The following MSR1 variants were observed in gnomAD, a reference collection of about 807,000 sequenced individuals.
The protein encoded by MSR1 is macrophage scavenger receptor types I and II.
MSR1 carries 53 observed loss-of-function variants against 47.2 expected under a neutral mutation model. The ratio of observed to expected loss-of-function variants is 1.12; its 90% confidence interval spans 0.90 to 1.41. MSR1 has a LOEUF of 1.41. MSR1 is among the 40% of genes most tolerant of loss of function. The probability of loss-of-function intolerance (pLI) is 0.00; values close to 1 mark genes in which losing one functional copy is unlikely to be tolerated. For missense variants in MSR1, 786 were observed against 546.9 expected (o/e 1.44, Z -4.36); for synonymous variants, 239 against 185.6 (o/e 1.29, Z -2.34).
intron 4 of MSR1, among the ~76,000 whole-genome samples, chr8:16,165,261 G>C (rs1362103425): frequency 6.6e-6 from 1 of 151,964 alleles, no homozygotes; most frequent in African/African-American, 2.4e-5. Flanking sequence ...GCGTATCAGC[G>C]TCCACTTTTT....
chr8:16,171,418 T>C (rs1282786124), intron 3 of MSR1, among the ~76,000 whole-genome samples: 1 of 152,160 alleles, frequency 6.6e-6, no homozygotes, highest in Non-Finnish European at 1.5e-5. Flanking sequence ...AATATTTTGA[T>C]GTGATCTACA....
chr8:16,111,533 A>G (rs1380356053), intron 9 of MSR1, among the ~76,000 whole-genome samples: 4 of 152,162 alleles, frequency 2.6e-5, no homozygotes, highest in African/African-American at 7.2e-5. Flanking sequence ...AATTCTCCCA[A>G]TGTCTACAGC....
intron 8 of MSR1, among the ~76,000 whole-genome samples, chr8:16,126,870 T>C (rs1800141467): frequency 6.6e-6 from 1 of 152,154 alleles, no homozygotes; most frequent in African/African-American, 2.4e-5. Context: ...GGTATAATTT[T>C]GCACAGTTTA....
At chr8:16,160,962 G>T (rs892435312) in intron 5 of MSR1, among the ~76,000 whole-genome samples, 1 of 150,100 alleles carries the variant, frequency 6.7e-6, no homozygotes, top group Non-Finnish European at 1.5e-5. Flanking sequence ...GCAAGAGAGA[G>T]AAAAGACACA....
Position 16,139,759 on chromosome 8 carries a change from AAAAAAAAAAAAAAAAATATATATATAT to A in MSR1, c.1033+3772_1033+3798del, listed in dbSNP as rs1800484956. 3 of 158,630 alleles carry A rather than the reference AAAAAAAAAAAAAAAAATATATATATAT, an allele frequency of 1.9e-5. No individual in the cohort carries two copies. In the African/African-American group the frequency reaches 2.4e-4, roughly 13 times the overall value. The allele number at this position is 158,630 out of a possible 1,614,324, so 9.8% of individuals were successfully genotyped here. A position where few individuals can be genotyped will look rare whatever the true frequency, so the allele number is the denominator to read the frequency against. On this transcript the variant is annotated intron_variant, in intron 8 of 9. Transcript: ENST00000262101. Reference sequence around the variant, plus strand: ...ACACTTCAAAACTTAAAAAAAAAAAAAAAAAAAAAAAAAAAATATATATATATATATATATATATATATATATATATA... The same window carrying A: ...ACACTTCAAAACTTAAAAAAAAAAAAATATATATATATATATATATATATA...
At position 16,110,215 on chromosome 8, in the gene MSR1, G is replaced by C. The variant is rs1478800404; in HGVS notation, c.1226C>G (p.Thr409Ser). The C allele has an allele frequency of 6.2e-7, 1 of 1,613,372 alleles. No homozygotes were observed. Among genetic ancestry groups the C allele is most frequent in the African/African-American group, 1.3e-5 (1 of 75,012 alleles). Residue 409 changes from threonine to serine, a missense_variant, in exon 10 of 10, where the codon ACT becomes AGT. By Grantham distance (58) the Thr-to-Ser change is moderately conservative (BLOSUM62 1). Coordinates refer to ENST00000262101, the MANE Select transcript of MSR1 (RefSeq NM_138715.3). The stretch of plus-strand genomic sequence containing the variant: ...CACTTCATTCAGCCATATTGGACCA[G>C]TACCTGCAATAATGAGGTATAACTG... ...VHKAAHFGQG[T>S]GPIWLNEVFC...
intron 1 of MSR1, among the ~76,000 whole-genome samples, chr8:16,184,955 T>C (rs955992802): frequency 1.3e-5 from 2 of 149,204 alleles, no homozygotes; most frequent in Admixed American, 6.9e-5. Context: ...CTGACACTAT[T>C]TAGTCTATAA....
intron 1 of MSR1, among the ~76,000 whole-genome samples, chr8:16,181,592 TG>T (rs1801833556): frequency 6.6e-6 from 1 of 151,754 alleles, no homozygotes; most frequent in South Asian, 2.1e-4. Context: ...AAGTGGGAGC[TG>T]AACAATGAGA....
chr8:16,146,049 T>C (rs57338497), intron 7 of MSR1, among the ~76,000 whole-genome samples: 92 of 152,274 alleles, frequency 6.0e-4, no homozygotes, highest in African/African-American at 2.2e-3. Context: ...AACATCATCA[T>C]GATTTCAAGC....
chr8:16,179,557 T>C (rs1291573529), intron 1 of MSR1, among the ~76,000 whole-genome samples: 1 of 152,186 alleles, frequency 6.6e-6, no homozygotes, highest in East Asian at 1.9e-4. Context: ...ATATTTGGAC[T>C]AAATAAATAT....
At chr8:16,166,164 CTTTTTTTTTTTT>C (rs397892292) in intron 4 of MSR1, among the ~76,000 whole-genome samples, 1 of 71,306 alleles carries the variant, frequency 1.4e-5, no homozygotes, top group South Asian at 6.9e-4. Flanking sequence ...CTTTTTCTTT[CTTTTTTTTTTTT>C]TTTTTTTTTT....
intron 3 of MSR1, 100 bp from the exon 4 acceptor site, chr8:16,168,970 C>G (rs1000934444): frequency 4.1e-6 from 5 of 1,226,580 alleles, no homozygotes; most frequent in Non-Finnish European, 5.8e-6. Context: ...TATTCCATTC[C>G]ATTCCAACAT....
chr8:16,168,156 A>T (rs1211431974), intron 4 of MSR1, among the ~76,000 whole-genome samples: 1 of 152,240 alleles, frequency 6.6e-6, no homozygotes, highest in Non-Finnish European at 1.5e-5. Flanking sequence ...TGCTAAGATA[A>T]CCTAAAAATT....
chr8:16,164,486 T>A lies in MSR1; in HGVS notation c.631-235A>T, dbSNP rs1165079453. ...AATCACAACCCCCTTCAAAAATCAATTTAATGTATCTATGATATGTTTCTA... is the reference window on the plus strand; with the variant it reads ...AATCACAACCCCCTTCAAAAATCAAATTAATGTATCTATGATATGTTTCTA... On this transcript the variant is annotated intron_variant, in intron 4 of 9. Coordinates refer to ENST00000262101, the MANE Select transcript of MSR1 (RefSeq NM_138715.3). Among the ~76,000 whole-genome samples the A allele has an allele frequency of 3.3e-5, 5 of 152,088 alleles. No individual in the cohort carries two copies. The East Asian group carries it at 7.7e-4, about 23-fold the overall frequency.
At chr8:16,144,145 G>A (rs554881037) in intron 7 of MSR1, among the ~76,000 whole-genome samples, 10 of 152,150 alleles carry the variant, frequency 6.6e-5, no homozygotes, top group South Asian at 4.2e-4. Context: ...TTGGTTTTGA[G>A]AAACCTCACC....
intron 8 of MSR1, among the ~76,000 whole-genome samples, chr8:16,135,784 G>C (rs1181485352): frequency 6.6e-6 from 1 of 152,084 alleles, no homozygotes; most frequent in East Asian, 1.9e-4. Context: ...AAGTATTGAG[G>C]TTAACTGAAA....
intron 8 of MSR1, among the ~76,000 whole-genome samples, chr8:16,129,330 T>C (rs1274195579): frequency 6.6e-6 from 1 of 151,890 alleles, no homozygotes; most frequent in African/African-American, 2.4e-5. Context: ...AAGTAGAAAA[T>C]GAAAATAACT....
At chr8:16,141,196 G>A in intron 8 of MSR1, 1 of 777,962 alleles carries the variant, frequency 1.3e-6, no homozygotes, top group East Asian at 2.7e-5. Flanking sequence ...CTTTCATACA[G>A]AATAAATTGG....
chr8:16,143,199 A>T (rs1204896724), intron 8 of MSR1, among the ~76,000 whole-genome samples: 4 of 152,158 alleles, frequency 2.6e-5, no homozygotes, highest in Non-Finnish European at 4.4e-5. Context: ...TCTTATATTT[A>T]AGGTTTCATT....
Sources: allele counts gnomAD v4.1 joint callset (sites outside exome capture counted in the v4.1 genomes callset), GRCh38; gene constraint gnomAD v4.1.1; transcripts MANE v1.5; gene names NCBI Gene and HGNC (gene_info 2026-07-23, HGNC 2026-07-21).